Variants in TNFRSF25 observed in about 807,000 individuals in gnomAD.
The protein encoded by TNFRSF25 is TNF receptor superfamily member 25.
Under a neutral mutation model 49.4 loss-of-function variants are expected in TNFRSF25, and 28 were observed. The ratio of observed to expected loss-of-function variants is 0.57; its 90% CI spans 0.42 to 0.78. TNFRSF25 has a LOEUF of 0.78. Ranked by LOEUF, TNFRSF25 falls within the 30% of genes least tolerant of loss-of-function variation. The pLI, the probability that TNFRSF25 is intolerant of heterozygous loss-of-function variation, is 0.00. For synonymous variants in TNFRSF25, 240 were observed against 234.2 expected (o/e 1.02, Z -0.23); for missense variants, 531 against 581.6 (o/e 0.91, Z 0.90).
Position 6,464,459 on chromosome 1 carries a change from A to G in TNFRSF25, c.464-6T>C, listed in dbSNP as rs199634892. 28 of 1,611,730 alleles carry G rather than the reference A, an allele frequency of 1.7e-5. No individual in the cohort carries two copies. The highest frequency in any genetic ancestry group is 2.1e-5 in the Non-Finnish European group (25 of 1,179,078). On this transcript the variant is annotated splice_region_variant and splice_polypyrimidine_tract_variant and intron_variant, in intron 4 of 9. Coordinates refer to ENST00000356876, the MANE Select transcript of TNFRSF25 (RefSeq NM_003790.3). The stretch of plus-strand genomic sequence containing the variant: ...GTCAGTATCTCTGCGGGAACCTGCA[A>G]TCCAGGAGAGGCATGCGTCACCATG...
In TNFRSF25 at chr1:6,464,628, T is replaced by C. The variant is rs3170675; in HGVS notation, c.387A>G (p.Gln129=). 80,294 of 1,614,016 alleles carry C rather than the reference T, an allele frequency of 0.05. 2,437 individuals carry two copies. Among genetic ancestry groups the C allele is most frequent in the Non-Finnish European group, 0.059 (69,536 of 1,180,008 alleles). The change falls in exon 4 of 10, where the codon CAA becomes CAG. Residue 129 remains glutamine (Q), a synonymous_variant. Coordinates refer to ENST00000356876, the MANE Select transcript of TNFRSF25 (RefSeq NM_003790.3). ...PGWFVECQVS[Q]CVSSSPFYCQ... ...AGTAGAAGGGTGAACTGCTGACACA[T>C]TGGCTGACCTGGCACTCCACAAACC... is the stretch of plus-strand genomic sequence containing the variant.
Position 6,462,624 on chromosome 1 carries a change from C to T in TNFRSF25, c.744+5G>A. On this transcript the variant is annotated splice_donor_5th_base_variant and intron_variant, in intron 8 of 9. Transcript: ENST00000356876. The surrounding 1 kb of genome is among the most constrained non-coding windows in gnomAD (Gnocchi z 4.2). ...CAGCCCAGAATCACACAGTGAGGTT[C>T]TTACCGGTGGTGGGGTCAGAGCCTC... 2.5e-6 allele frequency: 4 copies of T among 1,613,148 alleles called. No individual in the cohort carries two copies. Among genetic ancestry groups the T allele is most frequent in the Non-Finnish European group, 3.4e-6 (4 of 1,179,514 alleles).
chr1:6,464,389 G>A lies in TNFRSF25; in HGVS notation c.528C>T (p.Cys176=), dbSNP rs372183159. ...LPGFYEHGDG[C]VSCPTSTLGS... ...CTAGGAATTACGTGGGGCAGGACACGCAGCCATCGCCATGTTCATAGAAGC... is the reference window on the plus strand; with the variant it reads ...CTAGGAATTACGTGGGGCAGGACACACAGCCATCGCCATGTTCATAGAAGC... Residue 176 remains cysteine (C), a synonymous_variant, in exon 5 of 10, where the codon TGC becomes TGT. Coordinates refer to ENST00000356876, the MANE Select transcript of TNFRSF25 (RefSeq NM_003790.3). The A allele has an allele frequency of 2.0e-5, 32 of 1,609,766 alleles. No individual in the cohort carries two copies. The highest frequency in any genetic ancestry group is 1.3e-4 in the East Asian group (6 of 44,780).
rs1189577944 is a variant in TNFRSF25, at chr1:6,464,440, A to G, written c.477T>C (p.Asp159=). 1.9e-6 allele frequency: 3 copies of G among 1,611,736 alleles called. No homozygotes were observed. Among genetic ancestry groups the G allele is most frequent in the Non-Finnish European group, 1.7e-6 (2 of 1,179,066 alleles). The change falls in exon 5 of 10, where the codon GAT becomes GAC. Residue 159 remains aspartate (D), a synonymous_variant. Coordinates refer to ENST00000356876, the MANE Select transcript of TNFRSF25 (RefSeq NM_003790.3). ...CAGGCAGGCAGGTCCCACAGTCAGT[A>G]TCTCTGCGGGAACCTGCAATCCAGG... ...RHTRLLCSRR[D]TDCGTCLPGF...
chr1:6,463,255 G>A (rs2148559013), intron 5 of TNFRSF25, 128 bp from the exon 6 acceptor site: 2 of 893,560 alleles, frequency 2.2e-6, no homozygotes, highest in East Asian at 5.3e-5. Flanking sequence ...ACCCAAGAAT[G>A]TTCCTGTCAT....
Position 6,460,840 on chromosome 1 carries a change from A to G in TNFRSF25, c.*594T>C. The stretch of plus-strand genomic sequence containing the variant: ...GCCCCGGTGGAGTGAATAGAGGATG[A>G]GGGGCCCTGACCCTGTGTCTCCAAC... On this transcript the variant is annotated 3_prime_UTR_variant, in exon 10 of 10. Coordinates refer to ENST00000356876, the MANE Select transcript of TNFRSF25 (RefSeq NM_003790.3). 1 of 270,818 alleles carries G rather than the reference A, an allele frequency of 3.7e-6. No individual in the cohort carries two copies. The highest frequency in any genetic ancestry group is 7.3e-6 in the Non-Finnish European group (1 of 137,638). 16.8% of individuals were successfully genotyped at this position (270,818 alleles called of 1,614,324 possible).
Position 6,461,154 on chromosome 1 carries a change from T to G in TNFRSF25, c.*280A>C. ...CCGCAGAAACGCCAAGAAGCCGTTT[T>G]TGTTTTGTTTTGTTTTCTTTCACAG... On this transcript the variant is annotated 3_prime_UTR_variant, in exon 10 of 10. Transcript: ENST00000356876. The surrounding 1 kb of genome is among the most constrained non-coding windows in gnomAD (Gnocchi z 6.3). The G allele has an allele frequency of 4.6e-6, 3 of 654,250 alleles. No homozygotes were observed. Among genetic ancestry groups the G allele is most frequent in the East Asian group, 3.2e-5 (1 of 31,292 alleles). 40.5% of individuals were successfully genotyped at this position (654,250 alleles called of 1,614,324 possible). A position where few individuals can be genotyped will look rare whatever the true frequency, so the allele number is the denominator to read the frequency against.
At position 6,462,000 on chromosome 1, in the gene TNFRSF25, C is replaced by T; in HGVS notation, c.919G>A (p.Ala307Thr). The change falls in exon 9 of 10, where the codon GCT becomes ACT. Residue 307 changes from alanine (A) to threonine (T), a missense_variant. By Grantham distance (58) the Ala-to-Thr change is moderately conservative (BLOSUM62 0). Coordinates refer to ENST00000356876, the MANE Select transcript of TNFRSF25 (RefSeq NM_003790.3). This position sits in a 1 kb window ranked among gnomAD's most constrained non-coding sequence, Gnocchi z 6.3. ...GGCCACTGATGTCCCTTACCAAGAG[C>T]TCTGCTGGGCAACTGGTCCCAGGAC... Reference protein sequence around the residue: ...TWSWDQLPSRALGPAAAPTLS... With the variant: ...TWSWDQLPSRTLGPAAAPTLS... 1 of 1,606,796 alleles carries T rather than the reference C, an allele frequency of 6.2e-7. No individual in the cohort carries two copies. Among genetic ancestry groups the T allele is most frequent in the Non-Finnish European group, 8.5e-7 (1 of 1,177,426 alleles).
rs1444540622 is a variant in TNFRSF25, at chr1:6,461,533, C to A, written c.1155G>T (p.Gln385His). The change falls in exon 10 of 10, where the codon CAG (glutamine) becomes CAT (histidine). Residue 385 changes from glutamine to histidine, a missense_variant. Transcript: ENST00000356876. The surrounding 1 kb of genome is among the most constrained non-coding windows in gnomAD (Gnocchi z 6.3). ...AAACGGCTCCGAGGCCCGCGGGCTG[C>A]TGCTGGCGCCAGCGCTTGAGCATCT... is the stretch of plus-strand genomic sequence containing the variant. The part of the protein sequence containing the change: ...QYEMLKRWRQ[Q>H]QPAGLGAVYA... 3.7e-6 allele frequency: 6 copies of A among 1,607,350 alleles called. No homozygotes were observed. In the East Asian group the frequency reaches 1.1e-4, roughly 30 times the overall value.
Position 6,466,091 on chromosome 1 carries a change from C to T in TNFRSF25, c.17G>A (p.Arg6Gln), listed in dbSNP as rs1644361031. 1.3e-6 allele frequency: 2 copies of T among 1,574,782 alleles called. No individual in the cohort carries two copies. Among genetic ancestry groups the T allele is most frequent in the African/African-American group, 1.4e-5 (1 of 71,708 alleles). Residue 6 changes from arginine (R) to glutamine (Q), a missense_variant, in exon 1 of 10, where the codon CGG becomes CAG. Physicochemically the swap from Arg to Gln is conservative, Grantham distance 43. Transcript: ENST00000356876. MEQRP[R>Q]GCAAVAAALL... ...CACCGCCGCCACCGCCGCGCAGCCC[C>T]GCGGCCGCTGCTCCATAGCCCTCCG...
rs1213247906 is a variant in TNFRSF25, at chr1:6,461,202, A to C, written c.*232T>G. 1.4e-6 allele frequency: 1 copy of C among 724,134 alleles called. No homozygotes were observed. Among genetic ancestry groups the C allele is most frequent in the East Asian group, 2.7e-5 (1 of 37,002 alleles). 44.9% of individuals were successfully genotyped at this position (724,134 alleles called of 1,614,324 possible). On this transcript the variant is annotated 3_prime_UTR_variant, in exon 10 of 10. Coordinates refer to ENST00000356876, the MANE Select transcript of TNFRSF25 (RefSeq NM_003790.3). This position sits in a 1 kb window ranked among gnomAD's most constrained non-coding sequence, Gnocchi z 6.3. The stretch of plus-strand genomic sequence containing the variant: ...CAGATTTAATACCGCGATCTCAGCC[A>C]AACTCCGGCCGAGAAGTTGAGAAAT...
chr1:6,463,128 C>T lies in TNFRSF25; in HGVS notation c.543-1G>A. On this transcript the variant is annotated splice_acceptor_variant, in intron 5 of 9. Transcript: ENST00000356876. LOFTEE classifies it high-confidence loss of function. ...CTCTGGACAGCTCCCCAGGGTGCTC[C>T]TGCAAGGGACGGGGGTGGCCTGAGG... is the stretch of plus-strand genomic sequence containing the variant. 1 of 1,551,436 alleles carries T rather than the reference C, an allele frequency of 6.4e-7. No individual in the cohort carries two copies. Among genetic ancestry groups the T allele is most frequent in the Non-Finnish European group, 8.7e-7 (1 of 1,146,930 alleles).
In TNFRSF25 at chr1:6,461,584, G is replaced by A. The variant is rs1163326417; in HGVS notation, c.1104C>T (p.Ile368=). ...CGTACTGCTGGTCTCGGAAGCGGCC[G>A]ATCTCCACCTCCACGGCTTCGATCT... is the stretch of plus-strand genomic sequence containing the variant. ...EAEIEAVEVE[I]GRFRDQQYEM... Residue 368 remains isoleucine, a synonymous_variant, in exon 10 of 10, where the codon ATC becomes ATT. Coordinates refer to ENST00000356876, the MANE Select transcript of TNFRSF25 (RefSeq NM_003790.3). This position sits in a 1 kb window ranked among gnomAD's most constrained non-coding sequence, Gnocchi z 6.3. 7.5e-6 allele frequency: 12 copies of A among 1,610,404 alleles called. No individual in the cohort carries two copies. The highest frequency in any genetic ancestry group is 1.7e-5 in the Admixed American group (1 of 59,956).
intron 2 of TNFRSF25, 30 bp from the exon 3 acceptor site, chr1:6,465,252 A>G (rs1226274127): frequency 6.3e-7 from 1 of 1,592,322 alleles, no homozygotes; most frequent in Admixed American, 1.8e-5. Flanking sequence ...TCAGGCAGGC[A>G]GAGGGGCTGC....
Position 6,461,113 on chromosome 1 carries a change from A to G in TNFRSF25, c.*321T>C, listed in dbSNP as rs1644157151. 2 of 575,740 alleles carry G rather than the reference A, an allele frequency of 3.5e-6. No homozygotes were observed. The highest frequency in any genetic ancestry group is 4.4e-5 in the Admixed American group (2 of 45,398). The allele number at this position is 575,740 out of a possible 1,614,324, so 35.7% of individuals were successfully genotyped here. A position where few individuals can be genotyped will look rare whatever the true frequency, so the allele number is the denominator to read the frequency against. On this transcript the variant is annotated 3_prime_UTR_variant, in exon 10 of 10. Coordinates refer to ENST00000356876, the MANE Select transcript of TNFRSF25 (RefSeq NM_003790.3). This position sits in a 1 kb window ranked among gnomAD's most constrained non-coding sequence, Gnocchi z 6.3. ...GAATCCCTCGAGAAAAGTCCAGTCC[A>G]CTTAACACCCCAGCCCCGCAGAAAC...
rs1644157004 is a variant in TNFRSF25 at position 6,461,107 on chromosome 1, C to T, written c.*327G>A. On this transcript the variant is annotated 3_prime_UTR_variant, in exon 10 of 10. Transcript: ENST00000356876. The surrounding 1 kb of genome is among the most constrained non-coding windows in gnomAD (Gnocchi z 6.3). ...CCCTTCGAATCCCTCGAGAAAAGTC[C>T]AGTCCACTTAACACCCCAGCCCCGC... The T allele has an allele frequency of 1.8e-6, 1 of 564,462 alleles. No homozygotes were observed. The highest frequency in any genetic ancestry group is 1.9e-5 in the African/African-American group (1 of 53,132). The allele number at this position is 564,462 out of a possible 1,614,324, so 35.0% of individuals were successfully genotyped here.
At position 6,461,605 on chromosome 1, in the gene TNFRSF25, G is replaced by A. The variant is rs763359221; in HGVS notation, c.1083C>T (p.Ile361=). ...GGCCGATCTCCACCTCCACGGCTTCGATCTCTGCCTCGCGCAGCCCCAGCG... is the reference window on the plus strand; with the variant it reads ...GGCCGATCTCCACCTCCACGGCTTCAATCTCTGCCTCGCGCAGCCCCAGCG... The part of the protein sequence containing the change: ...VRTLGLREAE[I]EAVEVEIGRF... Residue 361 remains isoleucine, a synonymous_variant, in exon 10 of 10, where the codon ATC becomes ATT. Transcript: ENST00000356876. The surrounding 1 kb of genome is among the most constrained non-coding windows in gnomAD (Gnocchi z 6.3). The A allele has an allele frequency of 1.2e-6, 2 of 1,610,044 alleles. No individual in the cohort carries two copies. Among genetic ancestry groups the A allele is most frequent in the Non-Finnish European group, 1.7e-6 (2 of 1,179,356 alleles).
chr1:6,464,915 G>A (rs140818536), intron 3 of TNFRSF25, among the ~76,000 whole-genome samples, 173 bp downstream of exon 3: 3 of 152,328 alleles, frequency 2.0e-5, no homozygotes, highest in African/African-American at 7.2e-5. Context: ...GAGATGGGAA[G>A]GTCACCAGGA....
At position 6,462,121 on chromosome 1, in the gene TNFRSF25, G is replaced by T; in HGVS notation, c.798C>A (p.Asp266Glu). 1.2e-6 allele frequency: 2 copies of T among 1,613,862 alleles called. No individual in the cohort carries two copies. The highest frequency in any genetic ancestry group is 1.7e-6 in the Non-Finnish European group (2 of 1,179,928). The part of the protein sequence containing the change: ...DSAHTLLAPP[D>E]SSEKICTVQL... ...GGACGGTGCAGATCTTCTCACTGCTGTCAGGAGGTGCTAGAAGGGTGTGGG... is the reference window on the plus strand; with the variant it reads ...GGACGGTGCAGATCTTCTCACTGCTTTCAGGAGGTGCTAGAAGGGTGTGGG... The change falls in exon 9 of 10, where the codon GAC (aspartate) becomes GAA (glutamate). Residue 266 changes from aspartate to glutamate, a missense_variant. Transcript: ENST00000356876. This position sits in a 1 kb window ranked among gnomAD's most constrained non-coding sequence, Gnocchi z 4.2.
Sources: gnomAD v4.1 joint callset for allele counts (sites outside exome capture counted in the v4.1 genomes callset) on GRCh38, gnomAD v4.1.1 for gene constraint, Gnocchi (gnomAD v3.1) non-coding constraint, MANE v1.5 for transcripts, NCBI Gene and HGNC (gene_info 2026-07-23, HGNC 2026-07-21) for gene names.